TSHZ3: variants seen among roughly 807,000 people sequenced by gnomAD.
The protein encoded by TSHZ3 is teashirt homolog 3.
In TSHZ3, 10 loss-of-function variants were observed where a neutral mutation model predicts 64.5. That is an observed-to-expected ratio of 0.16 (90% confidence interval 0.10 to 0.26). The LOEUF (loss-of-function observed/expected upper bound fraction) is 0.26, where lower values mean the gene tolerates loss of function less well. Ranked by LOEUF, TSHZ3 falls within the 10% of genes least tolerant of loss-of-function variation. The pLI is 1.00. For synonymous variants in TSHZ3, 608 were observed against 593.1 expected, an observed-to-expected ratio of 1.03 and a Z score of -0.36; for missense variants, 1,242 against 1,421.7, an observed-to-expected ratio of 0.87 and a Z score of 2.03.
At chr19:31,176,631 T>C (rs553831719) in intron 5 of TSHZ3, among the ~76,000 whole-genome samples, 12 of 151,988 alleles carry the variant, frequency 7.9e-5, no homozygotes, top group African/African-American at 1.4e-4. Flanking sequence ...TCTACAAAAA[T>C]AAAAATAAAT....
In TSHZ3 at chr19:31,278,278, A is replaced by G; in HGVS notation, c.1515T>C (p.His505=). Residue 505 remains histidine (H), a synonymous_variant, in exon 2 of 2, where the codon CAT becomes CAC. Transcript: ENST00000240587. This position sits in a 1 kb window ranked among gnomAD's most constrained non-coding sequence, Gnocchi z 4.7. ...CTTCTAAGTCATTTTCAGTCAAGTA[A>G]TGGTATTTGGAAGAGATGTCACACT... is the stretch of plus-strand genomic sequence containing the variant. ...EEKCDISSKY[H]YLTENDLEES... 1 of 1,614,118 alleles carries G rather than the reference A, an allele frequency of 6.2e-7. No individual in the cohort carries two copies. The highest frequency in any genetic ancestry group is 1.1e-5 in the South Asian group (1 of 91,084).
At chr19:31,239,722 G>C (rs1975664566) in intron 3 of TSHZ3, among the ~76,000 whole-genome samples, 1 of 151,438 alleles carries the variant, frequency 6.6e-6, no homozygotes, top group South Asian at 2.1e-4. Flanking sequence ...GGAGACTACA[G>C]GCATGTGACA....
intron 5 of TSHZ3, among the ~76,000 whole-genome samples, chr19:31,177,352 G>A (rs535704358): frequency 4.6e-5 from 7 of 152,346 alleles, no homozygotes; most frequent in Admixed American, 1.3e-4. Flanking sequence ...AGAATGGCCA[G>A]CCGGGTGGTG....
At chr19:31,206,883 T>G (rs567168144) in intron 4 of TSHZ3, among the ~76,000 whole-genome samples, 4 of 152,284 alleles carry the variant, frequency 2.6e-5, no homozygotes, top group South Asian at 4.1e-4. Context: ...GCAGGTAAGT[T>G]GTTGGGATAA....
At chr19:31,178,386 T>C (rs1974645348) in intron 5 of TSHZ3, among the ~76,000 whole-genome samples, 1 of 152,198 alleles carries the variant, frequency 6.6e-6, no homozygotes, top group Non-Finnish European at 1.5e-5. Context: ...CCATGTTAAA[T>C]GTTGGCATAA....
intron 1 of TSHZ3, among the ~76,000 whole-genome samples, chr19:31,284,667 A>T (rs1268304628): frequency 1.3e-5 from 2 of 152,160 alleles, no homozygotes; most frequent in Non-Finnish European, 2.9e-5. Flanking sequence ...GGCCTCAGGG[A>T]AAAGGCTCTT....
At chr19:31,339,822 C>T (rs1917373786) in intron 1 of TSHZ3, among the ~76,000 whole-genome samples, 1 of 151,236 alleles carries the variant, frequency 6.6e-6, no homozygotes, top group African/African-American at 2.4e-5. Flanking sequence ...GGGCGTTCTG[C>T]TGCTGATACC....
intron 1 of TSHZ3, among the ~76,000 whole-genome samples, chr19:31,257,986 A>G (rs1407408803): frequency 2.0e-5 from 3 of 152,192 alleles, no homozygotes; most frequent in Admixed American, 6.5e-5. Context: ...CAAGGGAGAC[A>G]GGGAGGGGAC....
chr19:31,171,724 C>T (rs1178811055), intron 5 of TSHZ3, among the ~76,000 whole-genome samples: 3 of 152,124 alleles, frequency 2.0e-5, no homozygotes, highest in Admixed American at 6.5e-5. Context: ...GCCTCATACT[C>T]CCTGTGGGGT....
At chr19:31,245,193 T>C (rs1208234136) in intron 1 of TSHZ3, among the ~76,000 whole-genome samples, 1 of 152,172 alleles carries the variant, frequency 6.6e-6, no homozygotes, top group African/African-American at 2.4e-5. Context: ...GAAAAAATGT[T>C]GGAGTTAAAG....
chr19:31,328,092 T>A (rs1470765751), intron 1 of TSHZ3, among the ~76,000 whole-genome samples: 1 of 152,212 alleles, frequency 6.6e-6, no homozygotes, highest in Non-Finnish European at 1.5e-5. Context: ...AATGGTATAA[T>A]GGGCAAAACA....
At chr19:31,272,932 T>G (rs2145207171), downstream of TSHZ3, among the ~76,000 whole-genome samples, 1 of 152,300 alleles carries the variant, frequency 6.6e-6, no homozygotes, top group East Asian at 1.9e-4. Context: ...AAGGCCTGAC[T>G]TGGGCGACCA....
At chr19:31,221,834 C>T (rs989835104) in intron 4 of TSHZ3, among the ~76,000 whole-genome samples, 1 of 152,180 alleles carries the variant, frequency 6.6e-6, no homozygotes, top group African/African-American at 2.4e-5. Context: ...TCAATAATAG[C>T]ATCCTAATGT....
chr19:31,319,342 C>T (rs1486867095), intron 1 of TSHZ3, among the ~76,000 whole-genome samples: 1 of 152,200 alleles, frequency 6.6e-6, no homozygotes, highest in Non-Finnish European at 1.5e-5. Flanking sequence ...GAATTTTGCA[C>T]ATAAATCATT....
intron 1 of TSHZ3, among the ~76,000 whole-genome samples, chr19:31,248,780 C>T (rs1330913824): frequency 1.4e-5 from 2 of 143,202 alleles, no homozygotes; most frequent in African/African-American, 2.7e-5. Context: ...GACAGCCAGA[C>T]CCTGTTTGAA....
chr19:31,239,413 T>A (rs1224288793), intron 3 of TSHZ3, among the ~76,000 whole-genome samples: 1 of 152,198 alleles, frequency 6.6e-6, no homozygotes, highest in Admixed American at 6.5e-5. Context: ...TGCTGTTATT[T>A]CTTTCAGCCT....
intron 1 of TSHZ3, among the ~76,000 whole-genome samples, chr19:31,292,934 C>CATCCAACCAAAAACCCATCG (rs1976595725): frequency 6.6e-6 from 1 of 151,736 alleles, no homozygotes; most frequent in South Asian, 2.1e-4. Flanking sequence ...AAAACCCATC[C>CATCCAACCAAAAACCCATCG]ATCCAACCAA....
intron 5 of TSHZ3, among the ~76,000 whole-genome samples, chr19:31,160,140 T>C (rs1289505572): frequency 6.6e-6 from 1 of 151,984 alleles, no homozygotes; most frequent in Admixed American, 6.5e-5. Context: ...CCGAGACAGG[T>C]ACTGTTGTTC....
chr19:31,272,089 A>C (rs995019087), downstream of TSHZ3, among the ~76,000 whole-genome samples: 3 of 152,236 alleles, frequency 2.0e-5, no homozygotes, highest in Admixed American at 6.5e-5. Context: ...TTTTTTTATT[A>C]GATGACTTGG....
Sources: gnomAD v4.1 joint callset for allele counts (sites outside exome capture counted in the v4.1 genomes callset) on GRCh38, gnomAD v4.1.1 for gene constraint, Gnocchi (gnomAD v3.1) non-coding constraint, MANE v1.5 for transcripts, NCBI Gene and HGNC (gene_info 2026-07-23, HGNC 2026-07-21) for gene names.